Variants in BTD observed in about 807,000 individuals in gnomAD.
BTD encodes the protein biotinidase, also known as biocytinase.
BTD carries 13 observed loss-of-function variants against 17.7 expected under a neutral mutation model. That is an observed-to-expected ratio of 0.74 (90% CI 0.48 to 1.17). BTD has a LOEUF of 1.17. Among genes scored for constraint, BTD ranks in the 50% most tolerant of loss-of-function variants. The probability of loss-of-function intolerance (pLI) is 0.00; values close to 1 mark genes in which losing one functional copy is unlikely to be tolerated. For missense variants in BTD, 674 were observed against 650.4 expected (o/e 1.04, Z -0.39); for synonymous variants, 240 against 245.2 (o/e 0.98, Z 0.20).
chr3:15,652,756 T>G lies in BTD; in HGVS notation c.*7268T>G, dbSNP rs1225121432. Among the ~76,000 whole-genome samples, 2 of 152,332 alleles carry G rather than the reference T, an allele frequency of 1.3e-5. No homozygotes were observed. The highest frequency in any genetic ancestry group is 3.9e-4 in the East Asian group (2 of 5,178). On this transcript the variant is annotated 3_prime_UTR_variant, in exon 4 of 4. Transcript: ENST00000643237. ...GTTAAAATTCATCCAACACTCAATC[T>G]CCCAGCTATCCTGACTGCTCCTATA...
chr3:15,614,044 A>G (rs1414455396), intron 1 of BTD, among the ~76,000 whole-genome samples: 1 of 151,152 alleles, frequency 6.6e-6, no homozygotes, highest in African/African-American at 2.4e-5. Context: ...TTTTATTATT[A>G]AAATTCTCAC....
chr3:15,612,716 T>A (rs1010465600), intron 1 of BTD, among the ~76,000 whole-genome samples: 8 of 151,982 alleles, frequency 5.3e-5, no homozygotes, highest in Non-Finnish European at 1.2e-4. Context: ...CATTATATGT[T>A]GTCTATTGTT....
At position 15,703,303 on chromosome 3, in the gene BTD, A is replaced by C. The variant is rs150768771; in HGVS notation, c.400-6757A>C. ...AAAATAAACTGCCATTAGAAGTCAA[A>C]ATGTAGCCTCATTTCCTAAGAGTGT... On this transcript the variant is annotated intron_variant, in intron 3 of 3. Transcript: ENST00000672141. Among the ~76,000 whole-genome samples, 431 of 152,342 alleles carry C rather than the reference A, an allele frequency of 2.8e-3. 1 individual carries two copies. The highest frequency in any genetic ancestry group is 9.9e-3 in the African/African-American group (413 of 41,578).
chr3:15,669,083 A>G (rs1200659369), intron 3 of BTD: 1 of 152,304 alleles, frequency 6.6e-6, no homozygotes, highest in African/African-American at 2.4e-5. Context: ...TCCAAATAGT[A>G]ACAGGTTACA....
At chr3:15,708,052 G>A (rs1173083295) in intron 3 of BTD, 1 of 1,604,918 alleles carries the variant, frequency 6.2e-7, no homozygotes, top group Non-Finnish European at 8.5e-7. Context: ...CAGCAGCGTA[G>A]TGCAGTGGAG....
At chr3:15,634,823 T>C (rs1379763282) in intron 1 of BTD, among the ~76,000 whole-genome samples, 1 of 152,264 alleles carries the variant, frequency 6.6e-6, no homozygotes, top group Non-Finnish European at 1.5e-5. Flanking sequence ...TTGGCATTTA[T>C]GTAGAAGTCA....
At chr3:15,708,998 T>C (rs991012130) in intron 3 of BTD, among the ~76,000 whole-genome samples, 8 of 152,356 alleles carry the variant, frequency 5.3e-5, no homozygotes, top group African/African-American at 1.9e-4. Flanking sequence ...CCTTCAATTC[T>C]TTCCTGTATG....
In BTD at chr3:15,638,590, G is replaced by T. The variant is rs140065574; in HGVS notation, c.249+2902G>T. The stretch of plus-strand genomic sequence containing the variant: ...TCTAAGACAAATTGATGGCAAGTTT[G>T]TGTGAAAGTTTTATATCAAAGTTGT... On this transcript the variant is annotated intron_variant, in intron 2 of 3. Transcript: ENST00000643237. Among the ~76,000 whole-genome samples the T allele has an allele frequency of 5.9e-5, 9 of 152,354 alleles. No individual in the cohort carries two copies. The East Asian group carries it at 1.7e-3, about 29-fold the overall frequency.
intron 1 of BTD, among the ~76,000 whole-genome samples, chr3:15,633,936 A>C (rs2065278901): frequency 6.6e-6 from 1 of 152,220 alleles, no homozygotes. Context: ...TGCTCACTCA[A>C]AGACTCCTTG....
In BTD at chr3:15,645,543, C is replaced by T; in HGVS notation, c.*55C>T. Reference sequence around the variant, plus strand: ...TGGCCATCATGTTGACAGCCTTGCACTTCCACAGGCTACAAGCCCTGGGAC... The same window carrying T: ...TGGCCATCATGTTGACAGCCTTGCATTTCCACAGGCTACAAGCCCTGGGAC... On this transcript the variant is annotated 3_prime_UTR_variant, in exon 4 of 4. Coordinates refer to ENST00000643237, the MANE Select transcript of BTD (RefSeq NM_001370658.1). 1 of 1,579,856 alleles carries T rather than the reference C, an allele frequency of 6.3e-7. No homozygotes were observed.
Position 15,601,857 on chromosome 3 carries a change from C to A in BTD, c.-54C>A, listed in dbSNP as rs1254275322. 6.2e-7 allele frequency: 1 copy of A among 1,614,208 alleles called. No individual in the cohort carries two copies. Among genetic ancestry groups the A allele is most frequent in the Non-Finnish European group, 8.5e-7 (1 of 1,180,044 alleles). ...TCGGGGCTGTAAAGGGAGAATGGCG[C>A]ATGCGCATATTCAGGGCGGAAGGCG... On this transcript the variant is annotated 5_prime_UTR_variant, in exon 1 of 4. Transcript: ENST00000643237.
chr3:15,627,820 C>T lies in BTD; in HGVS notation c.-16-7604C>T, dbSNP rs896050615. On this transcript the variant is annotated intron_variant, in intron 1 of 3. Coordinates refer to ENST00000643237, the MANE Select transcript of BTD (RefSeq NM_001370658.1). The stretch of plus-strand genomic sequence containing the variant: ...CACTGCAATCTCTGCCTCCGAGGTT[C>T]AAGCTATTCTCTTGCTTCAGCCTCC... Among the ~76,000 whole-genome samples the T allele has an allele frequency of 2.0e-5, 3 of 152,342 alleles. 1 individual carries two copies.
At chr3:15,670,472 G>C in intron 3 of BTD, 1 of 1,614,002 alleles carries the variant, frequency 6.2e-7, no homozygotes, top group Non-Finnish European at 8.5e-7. Context: ...ACTACTTGAT[G>C]AGACAGGCAT....
At chr3:15,715,819 C>G (rs938596617), downstream of BTD, among the ~76,000 whole-genome samples, 1 of 151,926 alleles carries the variant, frequency 6.6e-6, no homozygotes, top group African/African-American at 2.4e-5. Flanking sequence ...CAGTGCTTCT[C>G]AGGATATATT....
At chr3:15,609,686 A>G (rs925262636) in intron 1 of BTD, among the ~76,000 whole-genome samples, 5 of 152,130 alleles carry the variant, frequency 3.3e-5, no homozygotes, top group African/African-American at 1.2e-4. Flanking sequence ...TATATTGGCC[A>G]TGCGTGTTTC....
chr3:15,641,725 G>A (rs1176883760), intron 2 of BTD, among the ~76,000 whole-genome samples, 183 bp from the exon 3 acceptor site: 2 of 152,188 alleles, frequency 1.3e-5, no homozygotes, highest in African/African-American at 2.4e-5. Context: ...ATCAGGTGGA[G>A]TGAGACAGTA....
At position 15,704,160 on chromosome 3, in the gene BTD, C is replaced by T. The variant is rs201019998; in HGVS notation, c.400-5900C>T. ...TTTCACATATTTAATATGTTCATTG[C>T]GATAGCAGCCATATATTTGTTTGCT... On this transcript the variant is annotated intron_variant, in intron 3 of 3. Transcript: ENST00000672141. 2.0e-4 allele frequency among the ~76,000 whole-genome samples: 30 copies of T among 152,070 alleles called. No individual in the cohort carries two copies. In the East Asian group the frequency reaches 4.4e-3, roughly 23 times the overall value.
At chr3:15,611,615 G>A (rs1213188214) in intron 1 of BTD, among the ~76,000 whole-genome samples, 1 of 151,898 alleles carries the variant, frequency 6.6e-6, no homozygotes, top group African/African-American at 2.4e-5. Context: ...GCATGGTTTA[G>A]TTTTTTCTTT....
chr3:15,630,247 A>C (rs1459300535), intron 1 of BTD: 2 of 254,498 alleles, frequency 7.9e-6, no homozygotes, highest in African/African-American at 2.3e-5. Context: ...AAAGCCATCC[A>C]TTTACTGCTT....
Sources: allele counts gnomAD v4.1 joint callset (sites outside exome capture counted in the v4.1 genomes callset), GRCh38; gene constraint gnomAD v4.1.1; transcripts MANE v1.5; gene names NCBI Gene and HGNC (gene_info 2026-07-23, HGNC 2026-07-21).